The following IL18R1 variants were observed in gnomAD, a reference collection of about 807,000 sequenced individuals.
The protein encoded by IL18R1 is interleukin-18 receptor 1.
A neutral mutation model predicts 48.5 loss-of-function variants in IL18R1; 40 were observed. The ratio of observed to expected loss-of-function variants is 0.82; its 90% confidence interval spans 0.64 to 1.07. IL18R1 has a LOEUF of 1.07. Ranked by LOEUF, IL18R1 falls within the 50% of genes least tolerant of loss-of-function variation. The probability of loss-of-function intolerance (pLI) is 0.00; values close to 1 mark genes in which losing one functional copy is unlikely to be tolerated. For synonymous variants in IL18R1, 232 were observed against 225.9 expected (o/e 1.03, Z -0.24); for missense variants, 596 against 633.7 (o/e 0.94, Z 0.64).
chr2:102,382,703 T>G (rs1699545084), intron 6 of IL18R1, among the ~76,000 whole-genome samples: 1 of 152,152 alleles, frequency 6.6e-6, no homozygotes, highest in South Asian at 2.1e-4. Context: ...GCTTCCAAAG[T>G]CCCCACCTTA....
chr2:102,384,747 C>A (rs1680123541), intron 6 of IL18R1, 131 bp from the exon 7 acceptor site: 3 of 884,142 alleles, frequency 3.4e-6, no homozygotes, highest in Admixed American at 2.6e-5. Context: ...TAAAGCAAGG[C>A]ATATTTATTC....
At chr2:102,389,508 T>C (rs1680438264) in intron 8 of IL18R1, among the ~76,000 whole-genome samples, 1 of 152,256 alleles carries the variant, frequency 6.6e-6, no homozygotes, top group African/African-American at 2.4e-5. Flanking sequence ...ACTTTTTGTG[T>C]AATATTTCAT....
In IL18R1 at chr2:102,355,884, A is replaced by G. The variant is rs1315919075; in HGVS notation, c.-545A>G. On this transcript the variant is annotated 5_prime_UTR_variant, in exon 1 of 11. Transcript: ENST00000233957. ...AAAAGGGCAAGGCGCTGGGTTTTCC[A>G]GCAGCAACCTTTGGACCCCGCGATC... 4 of 152,266 alleles carry G rather than the reference A, an allele frequency of 2.6e-5. No individual in the cohort carries two copies. Among genetic ancestry groups the G allele is most frequent in the South Asian group, 2.1e-4 (1 of 4,822 alleles). The allele number at this position is 152,266 out of a possible 1,614,324, so 9.4% of individuals were successfully genotyped here. A position where few individuals can be genotyped will look rare whatever the true frequency, so the allele number is the denominator to read the frequency against.
chr2:102,368,183 A>G, intron 3 of IL18R1, 115 bp downstream of exon 3: 1 of 1,145,168 alleles, frequency 8.7e-7, no homozygotes, highest in East Asian at 2.4e-5. Flanking sequence ...TTTCTTTCCT[A>G]CTCTTCCTAT....
At chr2:102,359,963 A>G (rs938950462) in intron 1 of IL18R1, among the ~76,000 whole-genome samples, 39 of 152,348 alleles carry the variant, frequency 2.6e-4, no homozygotes, top group African/African-American at 9.4e-4. Context: ...ATAGATAAGA[A>G]AATTGAGGCA....
chr2:102,365,328 C>G (rs1340870978), intron 2 of IL18R1, among the ~76,000 whole-genome samples: 1 of 152,172 alleles, frequency 6.6e-6, no homozygotes, highest in African/African-American at 2.4e-5. Flanking sequence ...CATGCAAGTT[C>G]TAAATTTAAT....
At chr2:102,363,593 G>C (rs1321561738) in intron 2 of IL18R1, among the ~76,000 whole-genome samples, 1 of 152,142 alleles carries the variant, frequency 6.6e-6, no homozygotes, top group Non-Finnish European at 1.5e-5. Flanking sequence ...TGTGTCATGA[G>C]TTCCATGTCC....
At chr2:102,365,867 C>A (rs1249524188) in intron 2 of IL18R1, among the ~76,000 whole-genome samples, 1 of 152,170 alleles carries the variant, frequency 6.6e-6, no homozygotes. Flanking sequence ...GACCTGGTAT[C>A]TTGGCCTGTT....
intron 7 of IL18R1, among the ~76,000 whole-genome samples, chr2:102,386,614 GC>G (rs1680243186): frequency 6.6e-6 from 1 of 152,194 alleles, no homozygotes; most frequent in Non-Finnish European, 1.5e-5. Context: ...TGATCTTCCA[GC>G]CATTTAAACT....
In IL18R1 at chr2:102,396,699, C is replaced by G; in HGVS notation, c.1439C>G (p.Thr480Ser). 1 of 1,614,136 alleles carries G rather than the reference C, an allele frequency of 6.2e-7. No homozygotes were observed. Among genetic ancestry groups the G allele is most frequent in the Non-Finnish European group, 8.5e-7 (1 of 1,179,966 alleles). ...ATCTTAATTGAATTTACACCTGTTA[C>G]TGACTTCACATTCTTGCCCCAATCA... ...KIILIEFTPV[T>S]DFTFLPQSLK... is the part of the protein sequence containing the mutation. The change falls in exon 11 of 11, where the codon ACT (threonine) becomes AGT (serine). Residue 480 changes from threonine to serine, a missense_variant. Physicochemically the swap from Thr to Ser is moderately conservative, Grantham distance 58. This residue lies in a region of IL18R1 where 179 missense variants were observed against 206.1 expected (regional missense o/e 0.87). Coordinates refer to ENST00000233957, the MANE Select transcript of IL18R1 (RefSeq NM_003855.5).
chr2:102,369,185 CG>C (rs935152259), intron 3 of IL18R1, among the ~76,000 whole-genome samples: 108 of 58,354 alleles, frequency 1.9e-3, no homozygotes, highest in African/African-American at 0.012. Context: ...CAACAAACAC[CG>C]CCCCCCCCAC....
chr2:102,376,136 T>C, intron 5 of IL18R1, 73 bp downstream of exon 5: 4 of 1,288,530 alleles, frequency 3.1e-6, no homozygotes, highest in Non-Finnish European at 4.2e-6. Flanking sequence ...TCTTCAAAAC[T>C]GTGTAGGAAT....
In IL18R1 at chr2:102,398,742, C is replaced by A. The variant is rs1174862926; in HGVS notation, c.*1856C>A. The A allele has an allele frequency of 2.0e-5, 3 of 152,320 alleles. No homozygotes were observed. The highest frequency in any genetic ancestry group is 7.2e-5 in the African/African-American group (3 of 41,448). The allele number at this position is 152,320 out of a possible 1,614,324, so 9.4% of individuals were successfully genotyped here. On this transcript the variant is annotated 3_prime_UTR_variant, in exon 11 of 11. Coordinates refer to ENST00000233957, the MANE Select transcript of IL18R1 (RefSeq NM_003855.5). ...TACATTAGATGTGTGTTTTAAAATG[C>A]ATAAAACACGTTGAAATACATTAAT...
At chr2:102,380,452 C>G (rs971521473) in intron 5 of IL18R1, among the ~76,000 whole-genome samples, 2 of 152,124 alleles carry the variant, frequency 1.3e-5, no homozygotes, top group Non-Finnish European at 2.9e-5. Flanking sequence ...GAATTCAAGC[C>G]GGTGTTGCTT....
chr2:102,386,719 C>A, intron 7 of IL18R1, 142 bp from the exon 8 acceptor site: 1 of 821,866 alleles, frequency 1.2e-6, no homozygotes, highest in Non-Finnish European at 2.0e-6. Flanking sequence ...TTATTGTAGT[C>A]CATGCTTTAA....
chr2:102,363,193 C>T (rs1678685054), intron 2 of IL18R1, among the ~76,000 whole-genome samples: 1 of 129,662 alleles, frequency 7.7e-6, no homozygotes, highest in Non-Finnish European at 1.6e-5. Context: ...CAGTGATTGC[C>T]TAGAGTTTTT....
intron 2 of IL18R1, among the ~76,000 whole-genome samples, chr2:102,367,118 G>A (rs1678949714): frequency 6.6e-6 from 1 of 152,176 alleles, no homozygotes; most frequent in South Asian, 2.1e-4. Flanking sequence ...AGGGGAACGA[G>A]CACCTATCCT....
At chr2:102,396,342 G>A (rs1241490522) in intron 10 of IL18R1, among the ~76,000 whole-genome samples, 189 bp from the exon 11 acceptor site, 1 of 152,074 alleles carries the variant, frequency 6.6e-6, no homozygotes, top group African/African-American at 2.4e-5. Flanking sequence ...CTAAGTAGGT[G>A]TTCATTATTA....
At chr2:102,357,850 A>T (rs1230392426) in intron 1 of IL18R1, among the ~76,000 whole-genome samples, 1 of 152,162 alleles carries the variant, frequency 6.6e-6, no homozygotes, top group Admixed American at 6.5e-5. Flanking sequence ...GCCAGATTCC[A>T]CACAAATTAT....
Sources: gnomAD v4.1 joint callset for allele counts (sites outside exome capture counted in the v4.1 genomes callset) on GRCh38, gnomAD v4.1.1 for gene constraint, gnomAD v4.1.1 regional missense constraint, MANE v1.5 for transcripts, NCBI Gene and HGNC (gene_info 2026-07-23, HGNC 2026-07-21) for gene names.